Variants in ATE1 observed in about 807,000 individuals in gnomAD.
The protein encoded by ATE1 is arginyl-tRNA--protein transferase 1.
Under a neutral mutation model 70.5 loss-of-function variants are expected in ATE1, and 36 were observed. The observed-to-expected ratio is 0.51, with a 90% CI of 0.39 to 0.67. The LOEUF is 0.67. Among genes scored for constraint, ATE1 ranks in the 30% least tolerant of loss-of-function variants. The probability of loss-of-function intolerance (pLI) is 0.00; values close to 1 mark genes in which losing one functional copy is unlikely to be tolerated. For synonymous variants in ATE1, 232 were observed against 219.3 expected (o/e 1.06, Z -0.51); for missense variants, 593 against 629.5 (o/e 0.94, Z 0.62).
At chr10:121,759,752 G>A (rs1490019361) in intron 11 of ATE1, among the ~76,000 whole-genome samples, 1 of 151,206 alleles carries the variant, frequency 6.6e-6, no homozygotes, top group Non-Finnish European at 1.5e-5. Context: ...AGTATAAGGT[G>A]AAGCAGCAAG....
At chr10:121,752,664 T>C (rs1455243750) in intron 11 of ATE1, among the ~76,000 whole-genome samples, 2 of 152,218 alleles carry the variant, frequency 1.3e-5, no homozygotes, top group Non-Finnish European at 2.9e-5. Flanking sequence ...TGTATCCTTT[T>C]CCCTGAATTG....
intron 11 of ATE1, among the ~76,000 whole-genome samples, chr10:121,779,476 C>A (rs769951622): frequency 6.6e-6 from 1 of 152,186 alleles, no homozygotes. Flanking sequence ...TTGCCACACC[C>A]GTTTTATCTT....
chr10:121,807,443 A>C (rs1947141000), intron 10 of ATE1, among the ~76,000 whole-genome samples: 2 of 152,192 alleles, frequency 1.3e-5, no homozygotes, highest in South Asian at 2.1e-4. Context: ...AGTCCATTTT[A>C]ACATTTGTAT....
At chr10:121,834,447 T>TA (rs1457431656) in intron 10 of ATE1, among the ~76,000 whole-genome samples, 4 of 152,154 alleles carry the variant, frequency 2.6e-5, no homozygotes, top group Non-Finnish European at 5.9e-5. Context: ...AAACAAAAAA[T>TA]AAATATTTTG....
intron 10 of ATE1, among the ~76,000 whole-genome samples, chr10:121,807,222 A>T (rs1947131663): frequency 6.6e-6 from 1 of 152,240 alleles, no homozygotes; most frequent in South Asian, 2.1e-4. Context: ...CTCACAACAG[A>T]GTTATTTCCT....
Position 121,842,648 on chromosome 10 carries a change from CAG to C in ATE1, c.976-1387_976-1386del, listed in dbSNP as rs200589884. Among the ~76,000 whole-genome samples the C allele has an allele frequency of 9.6e-3, 1,453 of 152,084 alleles. 15 individuals are homozygous for C. Among genetic ancestry groups the C allele is most frequent in the Admixed American group, 0.025 (378 of 15,292 alleles). ...CCATGAACAAAAGAGAAATTTATTC[CAG>C]GTGTGCAAGGCTGACTTCACATTAG... On this transcript the variant is annotated intron_variant, in intron 8 of 11. Coordinates refer to ENST00000224652, the MANE Select transcript of ATE1 (RefSeq NM_001001976.3).
intron 7 of ATE1, among the ~76,000 whole-genome samples, chr10:121,889,533 T>C (rs1054640619): frequency 6.6e-6 from 1 of 152,200 alleles, no homozygotes; most frequent in Non-Finnish European, 1.5e-5. Context: ...CCAGGCACAA[T>C]AGCTCATGCC....
intron 8 of ATE1, among the ~76,000 whole-genome samples, chr10:121,851,560 C>A (rs949493482): frequency 3.3e-4 from 50 of 151,896 alleles, no homozygotes; most frequent in African/African-American, 1.1e-3. Context: ...TATAAAAAGT[C>A]TAGGTCAGTT....
At chr10:121,836,385 C>T (rs1948433526) in intron 10 of ATE1, among the ~76,000 whole-genome samples, 1 of 152,132 alleles carries the variant, frequency 6.6e-6, no homozygotes, top group South Asian at 2.1e-4. Flanking sequence ...GGTGGGTCTG[C>T]TCCTCTGCAT....
chr10:121,767,755 T>C (rs1398789180), intron 11 of ATE1, among the ~76,000 whole-genome samples: 1 of 152,122 alleles, frequency 6.6e-6, no homozygotes, highest in Non-Finnish European at 1.5e-5. Context: ...TTGGTGAGGA[T>C]ATGGAGAAAC....
At chr10:121,846,080 T>A (rs1378303679) in intron 8 of ATE1, among the ~76,000 whole-genome samples, 1 of 142,018 alleles carries the variant, frequency 7.0e-6, no homozygotes. Context: ...AGGCAGGAAA[T>A]ATACAAGATC....
At chr10:121,850,679 G>A (rs767651895) in intron 8 of ATE1, among the ~76,000 whole-genome samples, 4 of 152,146 alleles carry the variant, frequency 2.6e-5, no homozygotes, top group East Asian at 1.9e-4. Context: ...AACTGTAAGC[G>A]GCAAATAGAA....
At chr10:121,915,113 C>T (rs914673430) in intron 3 of ATE1, among the ~76,000 whole-genome samples, 1 of 152,048 alleles carries the variant, frequency 6.6e-6, no homozygotes, top group African/African-American at 2.4e-5. Flanking sequence ...GAGAAAGTAA[C>T]CTGGAGGACA....
chr10:121,807,197 C>G (rs1947131033), intron 10 of ATE1, among the ~76,000 whole-genome samples: 2 of 152,138 alleles, frequency 1.3e-5, no homozygotes, highest in South Asian at 4.1e-4. Flanking sequence ...AGACTTTTAG[C>G]AATACTTCAA....
At chr10:121,773,308 A>G (rs1945596925) in intron 11 of ATE1, among the ~76,000 whole-genome samples, 1 of 152,236 alleles carries the variant, frequency 6.6e-6, no homozygotes. Flanking sequence ...TATCATAAAA[A>G]TATTAAAACG....
At chr10:121,747,282 T>A in intron 11 of ATE1, among the ~76,000 whole-genome samples, 1 of 152,214 alleles carries the variant, frequency 6.6e-6, no homozygotes, top group Non-Finnish European at 1.5e-5. Context: ...AATATTGCTG[T>A]TTCATCTGCG....
chr10:121,869,941 T>G (rs1949792913), intron 8 of ATE1, 65 bp downstream of exon 8: 14 of 1,428,140 alleles, frequency 9.8e-6, no homozygotes, highest in Non-Finnish European at 1.4e-5. Flanking sequence ...AAATGCCTAA[T>G]GAAAGATATC....
intron 7 of ATE1, among the ~76,000 whole-genome samples, chr10:121,883,032 GC>G (rs1407407190): frequency 6.6e-6 from 1 of 152,092 alleles, no homozygotes; most frequent in Non-Finnish European, 1.5e-5. Context: ...ACCTCCTAAT[GC>G]TTATATTCCC....
chr10:121,817,464 G>A (rs990273914), intron 10 of ATE1, among the ~76,000 whole-genome samples: 5 of 151,842 alleles, frequency 3.3e-5, no homozygotes, highest in East Asian at 1.9e-4. Context: ...GTGTGAACCC[G>A]GTAGGCGGAG....
Sources: gnomAD v4.1 joint callset for allele counts (sites outside exome capture counted in the v4.1 genomes callset) on GRCh38, gnomAD v4.1.1 for gene constraint, MANE v1.5 for transcripts, NCBI Gene and HGNC (gene_info 2026-07-23, HGNC 2026-07-21) for gene names.